The following RNPS1 variants were observed in gnomAD, a reference collection of about 807,000 sequenced individuals.
The protein encoded by RNPS1 is RNA-binding protein with serine-rich domain 1.
For missense variants in RNPS1, 300 were observed against 427.6 expected, an observed-to-expected ratio of 0.70 and a Z score of 2.63; for synonymous variants, 147 against 150.0, an observed-to-expected ratio of 0.98 and a Z score of 0.15.
rs1359754541 is a variant in RNPS1 at position 2,262,847 on chromosome 16, T to A, written c.420-5A>T. ...TCTCTTTTAGGTGGTTTGGATCTGA[T>A]TGAGAAAACAAAACACCAGAAACAA... On this transcript the variant is annotated splice_polypyrimidine_tract_variant and splice_region_variant and intron_variant, in intron 4 of 7. Transcript: ENST00000320225. 2.5e-6 allele frequency: 4 copies of A among 1,612,096 alleles called. No individual in the cohort carries two copies. The East Asian group carries it at 8.9e-5, about 36-fold the overall frequency.
Position 2,264,287 on chromosome 16 carries a change from G to C in RNPS1, c.116C>G (p.Ser39Cys), listed in dbSNP as rs150638994. The change falls in exon 3 of 8, where the codon TCC (serine) becomes TGC (cysteine). Residue 39 changes from serine (S) to cysteine (C), a missense_variant. Ser to Cys is a moderately radical substitution (Grantham distance 112). Coordinates refer to ENST00000320225, the MANE Select transcript of RNPS1 (RefSeq NM_080594.4). ...CCCTTTATCTTTTGAGCGATCCTTG[G>C]ACTTCTCATCTGAGCGGTCTTTGCG... ...TKRKDRSDEK[S>C]KDRSKDKGAT... The C allele has an allele frequency of 6.0e-4, 962 of 1,614,168 alleles. 12 individuals are homozygous for C. In the African/African-American group the frequency reaches 0.012, roughly 20 times the overall value.
intron 6 of RNPS1, among the ~76,000 whole-genome samples, chr16:2,261,330 G>A (rs1018851230): frequency 2.6e-5 from 4 of 152,032 alleles, no homozygotes; most frequent in Non-Finnish European, 5.9e-5. Context: ...ATCCTATTAC[G>A]TTTCAGCAGG....
chr16:2,268,066 G>A lies in RNPS1; in HGVS notation c.-129C>T, dbSNP rs1436969674. Reference sequence around the variant, plus strand: ...CCGCCCCAACTTACATCTTCCCGCCGCCGCCACCTCCTCCTGCTTTCCTCA... The same window carrying A: ...CCGCCCCAACTTACATCTTCCCGCCACCGCCACCTCCTCCTGCTTTCCTCA... On this transcript the variant is annotated 5_prime_UTR_variant, in exon 1 of 8. Transcript: ENST00000320225. 10 of 1,534,940 alleles carry A rather than the reference G, an allele frequency of 6.5e-6. No individual in the cohort carries two copies. Among genetic ancestry groups the A allele is most frequent in the Admixed American group, 2.0e-5 (1 of 50,980 alleles).
intron 7 of RNPS1, among the ~76,000 whole-genome samples, chr16:2,254,787 G>A (rs866386883): frequency 7.0e-6 from 1 of 143,786 alleles, no homozygotes; most frequent in Non-Finnish European, 1.5e-5. Flanking sequence ...TGTTGCCCAG[G>A]CTGGAGTGCA....
intron 1 of RNPS1, chr16:2,266,272 G>A: frequency 1.0e-6 from 1 of 985,420 alleles, no homozygotes. Flanking sequence ...AGCCAAGGAG[G>A]GCCGAACGCC....
Position 2,264,743 on chromosome 16 carries a change from T to C in RNPS1, c.-100A>G. On this transcript the variant is annotated 5_prime_UTR_variant, in exon 2 of 8. Coordinates refer to ENST00000320225, the MANE Select transcript of RNPS1 (RefSeq NM_080594.4). ...AGAAACGATCCCTAATCGATTGCAA[T>C]TTACGCCAAAGAGCAGCCTAATAAC... 6.4e-7 allele frequency: 1 copy of C among 1,571,186 alleles called. No homozygotes were observed.
At position 2,264,022 on chromosome 16, in the gene RNPS1, T is replaced by C. The variant is rs147184621; in HGVS notation, c.227+154A>G. ...TGGGATTATAGGCATGAGCCACCAC[T>C]GCACCTAGCCAGTCTGCCATAAATT... On this transcript the variant is annotated intron_variant, in intron 3 of 7. Transcript: ENST00000320225. 21,494 of 888,716 alleles carry C rather than the reference T, an allele frequency of 0.024. 308 individuals are homozygous for C. Among genetic ancestry groups the C allele is most frequent in the Non-Finnish European group, 0.031 (18,455 of 595,484 alleles). The allele number at this position is 888,716 out of a possible 1,614,324, so 55.1% of individuals were successfully genotyped here.
intron 3 of RNPS1, 118 bp downstream of exon 3, chr16:2,264,057 AC>A: frequency 8.0e-7 from 1 of 1,246,658 alleles, no homozygotes; most frequent in South Asian, 1.4e-5. Context: ...TAGGGTCTCT[AC>A]TAACAATCAG....
Position 2,255,986 on chromosome 16 carries a change from G to A in RNPS1, c.677-260C>T, listed in dbSNP as rs188649663. On this transcript the variant is annotated intron_variant, in intron 6 of 7. Transcript: ENST00000320225. ...TAAAAAGACAATAAATCAGCTGTGC[G>A]AGGTGGCGGGCGCCTATAGTACCAG... 1.2e-5 allele frequency: 5 copies of A among 430,966 alleles called. No homozygotes were observed. In the Admixed American group the frequency reaches 1.2e-4, roughly 10 times the overall value. The allele number at this position is 430,966 out of a possible 1,614,324, so 26.7% of individuals were successfully genotyped here.
chr16:2,255,902 T>A, intron 6 of RNPS1, 176 bp from the exon 7 acceptor site: 1 of 654,552 alleles, frequency 1.5e-6, no homozygotes, highest in Non-Finnish European at 2.7e-6. Context: ...CTGAGGCAGG[T>A]GGATCACGAG....
At chr16:2,262,223 C>A in intron 6 of RNPS1, 55 bp downstream of exon 6, 1 of 1,549,818 alleles carries the variant, frequency 6.5e-7, no homozygotes, top group East Asian at 2.3e-5. Flanking sequence ...AGTTTGAAAG[C>A]CCCTCGCGGC....
chr16:2,258,327 A>T (rs577211440), intron 6 of RNPS1: 5 of 152,368 alleles, frequency 3.3e-5, no homozygotes, highest in African/African-American at 1.2e-4. Flanking sequence ...TAATCTACGC[A>T]TATTTGCTAA....
Position 2,264,279 on chromosome 16 carries a change from G to C in RNPS1, c.124C>G (p.Arg42Gly). The part of the protein sequence containing the change: ...KDRSDEKSKD[R>G]SKDKGATKES... ...TTGGTGGCCCCTTTATCTTTTGAGC[G>C]ATCCTTGGACTTCTCATCTGAGCGG... Residue 42 changes from arginine to glycine, a missense_variant, in exon 3 of 8, where the codon CGC becomes GGC. By Grantham distance (125) the Arg-to-Gly change is moderately radical (BLOSUM62 -2). Transcript: ENST00000320225. The C allele has an allele frequency of 6.2e-7, 1 of 1,614,138 alleles. No homozygotes were observed. The highest frequency in any genetic ancestry group is 8.5e-7 in the Non-Finnish European group (1 of 1,180,028).
chr16:2,259,857 C>G (rs1031482676), intron 6 of RNPS1, among the ~76,000 whole-genome samples: 3 of 152,134 alleles, frequency 2.0e-5, no homozygotes, highest in Non-Finnish European at 4.4e-5. Flanking sequence ...CCACTGCACT[C>G]CAGCCTGGGC....
At chr16:2,262,151 G>A (rs1057368168) in intron 6 of RNPS1, 127 bp downstream of exon 6, 1 of 974,982 alleles carries the variant, frequency 1.0e-6, no homozygotes, top group Non-Finnish European at 1.5e-6. Context: ...ACCCCAGCCT[G>A]GGCAACAAGT....
intron 2 of RNPS1, 56 bp downstream of exon 2, chr16:2,264,517 G>C (rs1219672127): frequency 1.9e-6 from 3 of 1,570,824 alleles, no homozygotes; most frequent in Non-Finnish European, 2.6e-6. Flanking sequence ...CTTTCTGCGG[G>C]TCCCTAGCAG....
chr16:2,264,388 A>G, intron 2 of RNPS1, 57 bp from the exon 3 acceptor site: 1 of 1,609,842 alleles, frequency 6.2e-7, no homozygotes, highest in East Asian at 2.2e-5. Context: ...CCCAAACAGC[A>G]CAACCCAAAA....
In RNPS1 at chr16:2,263,197, T is replaced by G. The variant is rs377658707; in HGVS notation, c.318A>C (p.Ser106=). The part of the protein sequence containing the change: ...GSSSSSASSR[S]GSSSTSRSSS... ...AGCTGCGGGAGGTGCTGGAGCTTCCTGAGCGGCTGGATGCTGAGGAAGAGC... is the reference window on the plus strand; with the variant it reads ...AGCTGCGGGAGGTGCTGGAGCTTCCGGAGCGGCTGGATGCTGAGGAAGAGC... The change falls in exon 4 of 8, where the codon TCA becomes TCC. Residue 106 remains serine, a synonymous_variant. Transcript: ENST00000320225. The G allele has an allele frequency of 1.1e-4, 184 of 1,613,694 alleles. No individual in the cohort carries two copies. Among genetic ancestry groups the G allele is most frequent in the South Asian group, 3.8e-4 (35 of 91,062 alleles).
In RNPS1 at chr16:2,268,084, T is replaced by A; in HGVS notation, c.-147A>T. 6.5e-7 allele frequency: 1 copy of A among 1,535,430 alleles called. No individual in the cohort carries two copies. Among genetic ancestry groups the A allele is most frequent in the Non-Finnish European group, 8.7e-7 (1 of 1,146,630 alleles). On this transcript the variant is annotated 5_prime_UTR_variant, in exon 1 of 8. It adds an upstream start codon to the 5' untranslated region. Transcript: ENST00000320225. Reference sequence around the variant, plus strand: ...TCCCGCCGCCGCCACCTCCTCCTGCTTTCCTCAGCCGCCGAGGCCGGCGCC... The same window carrying A: ...TCCCGCCGCCGCCACCTCCTCCTGCATTCCTCAGCCGCCGAGGCCGGCGCC...
Sources: allele counts gnomAD v4.1 joint callset (sites outside exome capture counted in the v4.1 genomes callset), GRCh38; gene constraint gnomAD v4.1.1; transcripts MANE v1.5; gene names NCBI Gene and HGNC (gene_info 2026-07-23, HGNC 2026-07-21).